BICD1: variants seen among roughly 807,000 people sequenced by gnomAD.
BICD1 encodes the protein protein bicaudal D homolog 1.
In BICD1, 35 loss-of-function variants were observed where a neutral mutation model predicts 92.5. The observed-to-expected ratio is 0.38, with a 90% CI of 0.29 to 0.50. BICD1 has a LOEUF of 0.50. Among genes scored for constraint, BICD1 ranks in the 20% least tolerant of loss-of-function variants. The pLI is 0.93. For missense variants in BICD1, 950 were observed against 1,189.8 expected (o/e 0.80, Z 2.97); for synonymous variants, 429 against 465.1 (o/e 0.92, Z 1.00).
chr12:32,296,255 TG>T (rs58142294), intron 3 of BICD1, among the ~76,000 whole-genome samples: 5,997 of 28,038 alleles, frequency 0.21, 217 homozygotes, highest in South Asian at 0.31. Flanking sequence ...GGTTTTTTTT[TG>T]TTTTTTTTTT....
chr12:32,165,887 C>T (rs934246075), intron 1 of BICD1, among the ~76,000 whole-genome samples: 3 of 152,038 alleles, frequency 2.0e-5, no homozygotes, highest in Admixed American at 6.6e-5. Flanking sequence ...ACCTGTGGAA[C>T]TGTTCAGGAG....
chr12:32,375,204 C>A (rs1310684527), intron 9 of BICD1, among the ~76,000 whole-genome samples: 6 of 151,928 alleles, frequency 3.9e-5, no homozygotes, highest in African/African-American at 1.4e-4. Flanking sequence ...GGATTACAGG[C>A]GTGCGCCACC....
At chr12:32,257,869 T>C (rs1946761912) in intron 2 of BICD1, among the ~76,000 whole-genome samples, 2 of 152,196 alleles carry the variant, frequency 1.3e-5, no homozygotes, top group Non-Finnish European at 2.9e-5. Context: ...AATATATAGA[T>C]GATACATGTA....
chr12:32,302,122 G>A (rs1450005142), intron 3 of BICD1, among the ~76,000 whole-genome samples: 2 of 151,992 alleles, frequency 1.3e-5, no homozygotes, highest in Non-Finnish European at 2.9e-5. Context: ...TCCTGACCTC[G>A]TGATCCGCCC....
chr12:32,382,498 A>G lies in BICD1; in HGVS notation c.*4871A>G, dbSNP rs1026481296. On this transcript the variant is annotated 3_prime_UTR_variant, in exon 10 of 10. Coordinates refer to ENST00000652176, the MANE Select transcript of BICD1 (RefSeq NM_001714.4). The stretch of plus-strand genomic sequence containing the variant: ...TAGGAAAGTAAGGAGATTGTTATCT[A>G]TATCTAGTCTCCTTTCCATATTGAA... The G allele has an allele frequency of 6.6e-6, 1 of 152,060 alleles. No homozygotes were observed. Among genetic ancestry groups the G allele is most frequent in the South Asian group, 2.1e-4 (1 of 4,834 alleles). The allele number at this position is 152,060 out of a possible 1,614,324, so 9.4% of individuals were successfully genotyped here.
intron 1 of BICD1, among the ~76,000 whole-genome samples, chr12:32,185,490 A>T (rs898547228): frequency 1.3e-5 from 2 of 152,362 alleles, no homozygotes; most frequent in Admixed American, 6.5e-5. Flanking sequence ...ATATGGGCTG[A>T]AGGAACATCC....
intron 1 of BICD1, among the ~76,000 whole-genome samples, chr12:32,182,830 G>A (rs1474131399): frequency 6.7e-6 from 1 of 150,096 alleles, no homozygotes; most frequent in African/African-American, 2.4e-5. Context: ...GTATTACAGA[G>A]CTTTGTACAC....
chr12:32,140,564 C>G (rs911646959), intron 1 of BICD1, among the ~76,000 whole-genome samples: 14 of 152,128 alleles, frequency 9.2e-5, no homozygotes, highest in African/African-American at 3.4e-4. Flanking sequence ...TCAATGCAAC[C>G]CCGCCTCCCG....
At chr12:32,136,698 C>T (rs1414054776) in intron 1 of BICD1, among the ~76,000 whole-genome samples, 1 of 152,112 alleles carries the variant, frequency 6.6e-6, no homozygotes, top group Non-Finnish European at 1.5e-5. Context: ...ATGCAGGAGT[C>T]CTGTCCTGAG....
intron 8 of BICD1, among the ~76,000 whole-genome samples, chr12:32,352,188 G>C (rs1353123912): frequency 6.6e-6 from 1 of 150,876 alleles, no homozygotes; most frequent in Non-Finnish European, 1.5e-5. Context: ...CTGGGTGACA[G>C]AGCAAGACTC....
At chr12:32,217,688 A>G (rs1203264691) in intron 2 of BICD1, among the ~76,000 whole-genome samples, 1 of 152,170 alleles carries the variant, frequency 6.6e-6, no homozygotes, top group Non-Finnish European at 1.5e-5. Context: ...TTTCCCTCCA[A>G]CGTGAACAAC....
chr12:32,205,712 ATAT>A (rs1945031209), intron 1 of BICD1, among the ~76,000 whole-genome samples: 1 of 69,416 alleles, frequency 1.4e-5, no homozygotes, highest in African/African-American at 4.7e-5. Context: ...TATGTGCAAT[ATAT>A]TATATGTCAA....
intron 8 of BICD1, among the ~76,000 whole-genome samples, chr12:32,348,776 A>C (rs1008860335): frequency 2.9e-5 from 2 of 67,906 alleles, no homozygotes; most frequent in Non-Finnish European, 2.9e-5. Flanking sequence ...ATATATATAT[A>C]TATCAGCAGG....
At chr12:32,278,829 C>A (rs1430884210) in intron 2 of BICD1, among the ~76,000 whole-genome samples, 2 of 152,094 alleles carry the variant, frequency 1.3e-5, no homozygotes, top group African/African-American at 4.8e-5. Context: ...GCACGCCAGC[C>A]TGGGCGACAG....
intron 2 of BICD1, among the ~76,000 whole-genome samples, chr12:32,267,166 C>G (rs549017512): frequency 6.6e-6 from 1 of 152,212 alleles, no homozygotes; most frequent in Non-Finnish European, 1.5e-5. Flanking sequence ...GATCACACAC[C>G]TGATACTACT....
At chr12:32,120,532 A>G (rs1356046693) in intron 1 of BICD1, among the ~76,000 whole-genome samples, 1 of 152,234 alleles carries the variant, frequency 6.6e-6, no homozygotes, top group Non-Finnish European at 1.5e-5. Context: ...GCTCTTAGTC[A>G]TCAATTTTTG....
At chr12:32,222,967 C>G (rs972613261) in intron 2 of BICD1, among the ~76,000 whole-genome samples, 2 of 152,178 alleles carry the variant, frequency 1.3e-5, no homozygotes, top group Non-Finnish European at 2.9e-5. Flanking sequence ...TTTATAAATT[C>G]TAATGCAAGG....
chr12:32,148,425 C>T (rs968313608), intron 1 of BICD1, among the ~76,000 whole-genome samples: 2 of 152,174 alleles, frequency 1.3e-5, no homozygotes. Flanking sequence ...TCTCTGACCT[C>T]TCGGCAGTTA....
Position 32,107,216 on chromosome 12 carries a change from C to A in BICD1, c.-116C>A. 1.0e-6 allele frequency: 1 copy of A among 1,004,482 alleles called. No homozygotes were observed. Among genetic ancestry groups the A allele is most frequent in the Non-Finnish European group, 1.5e-6 (1 of 688,370 alleles). The allele number at this position is 1,004,482 out of a possible 1,614,324, so 62.2% of individuals were successfully genotyped here. A position where few individuals can be genotyped will look rare whatever the true frequency, so the allele number is the denominator to read the frequency against. On this transcript the variant is annotated 5_prime_UTR_variant, in exon 1 of 10. Coordinates refer to ENST00000652176, the MANE Select transcript of BICD1 (RefSeq NM_001714.4). ...GCATCGCGCTGCTCATTCATCCGGC[C>A]GCACTTTCTTTTCCGTTTCCACCCA...
Sources: allele counts gnomAD v4.1 joint callset (sites outside exome capture counted in the v4.1 genomes callset), GRCh38; gene constraint gnomAD v4.1.1; transcripts MANE v1.5; gene names NCBI Gene and HGNC (gene_info 2026-07-23, HGNC 2026-07-21).